KMT2C: variants seen among roughly 807,000 people sequenced by gnomAD.
KMT2C encodes the protein histone-lysine N-methyltransferase 2C.
Under a neutral mutation model 507.9 loss-of-function variants are expected in KMT2C, and 88 were observed. That is an observed-to-expected ratio of 0.17 (90% confidence interval 0.15 to 0.21). The LOEUF (loss-of-function observed/expected upper bound fraction) is 0.21. Ranked by LOEUF, KMT2C falls within the 10% of genes least tolerant of loss-of-function variation. The pLI is 1.00. For missense variants in KMT2C, 4,954 were observed against 5,957.8 expected, an observed-to-expected ratio of 0.83 and a Z score of 5.55; for synonymous variants, 2,049 against 2,080.8, an observed-to-expected ratio of 0.98 and a Z score of 0.42.
At chr7:152,227,129 CT>C (rs2094957406) in intron 18 of KMT2C, among the ~76,000 whole-genome samples, 2 of 152,310 alleles carry the variant, frequency 1.3e-5, no homozygotes, top group South Asian at 4.1e-4. Flanking sequence ...TTAAGCCAGG[CT>C]TGTCAAGACC....
intron 18 of KMT2C, among the ~76,000 whole-genome samples, chr7:152,229,087 T>C (rs1009678963): frequency 2.0e-5 from 3 of 152,216 alleles, no homozygotes; most frequent in African/African-American, 7.2e-5. Context: ...ACAGTGATGT[T>C]TGAAGGGCAG....
chr7:152,205,577 A>C (rs1408891415), intron 24 of KMT2C, among the ~76,000 whole-genome samples: 2 of 152,320 alleles, frequency 1.3e-5, no homozygotes, highest in Admixed American at 1.3e-4. Context: ...TGCACTGCAT[A>C]ATGATGTTGG....
In KMT2C at chr7:152,176,548, T is replaced by C. The variant is rs769465139; in HGVS notation, c.8905A>G (p.Met2969Val). Residue 2969 changes from methionine (M) to valine (V), a missense_variant, in exon 38 of 59, where the codon ATG (methionine) becomes GTG (valine). Transcript: ENST00000262189. ...GAGACTACTGTCACATTAGAATTCATGGCATTATCCAAAACACGGCCAGGC... is the reference window on the plus strand; with the variant it reads ...GAGACTACTGTCACATTAGAATTCACGGCATTATCCAAAACACGGCCAGGC... ...APPGRVLDNA[M>V]NSNVTVVSRV... 1.3e-5 allele frequency: 21 copies of C among 1,614,178 alleles called. No individual in the cohort carries two copies. Among genetic ancestry groups the C allele is most frequent in the Non-Finnish European group, 1.6e-5 (19 of 1,180,028 alleles).
chr7:152,397,547 CACAGTA>C (rs1174693503), intron 1 of KMT2C, among the ~76,000 whole-genome samples: 1 of 152,118 alleles, frequency 6.6e-6, no homozygotes, highest in South Asian at 2.1e-4. Context: ...CCCCTCATTG[CACAGTA>C]ACACCAATCG....
intron 1 of KMT2C, among the ~76,000 whole-genome samples, chr7:152,388,029 G>T (rs73730063): frequency 6.7e-6 from 1 of 149,380 alleles, no homozygotes; most frequent in Admixed American, 6.7e-5. Flanking sequence ...ATCCAACTCT[G>T]AAATTCCCAC....
chr7:152,365,897 G>C (rs1416451100), intron 1 of KMT2C, among the ~76,000 whole-genome samples: 2 of 151,936 alleles, frequency 1.3e-5, no homozygotes, highest in Non-Finnish European at 1.5e-5. Context: ...GAGGTGGGAC[G>C]AACACCTGAC....
intron 1 of KMT2C, among the ~76,000 whole-genome samples, chr7:152,376,072 T>C (rs2097326837): frequency 6.6e-6 from 1 of 152,222 alleles, no homozygotes. Context: ...CCCAAAGTGC[T>C]GGGATTCCAG....
At chr7:152,373,629 T>C (rs2097307154) in intron 1 of KMT2C, among the ~76,000 whole-genome samples, 1 of 152,216 alleles carries the variant, frequency 6.6e-6, no homozygotes, top group African/African-American at 2.4e-5. Flanking sequence ...AAAATATCAC[T>C]AATGTCTACT....
intron 1 of KMT2C, among the ~76,000 whole-genome samples, chr7:152,393,226 A>G (rs1045566670): frequency 6.6e-6 from 1 of 152,238 alleles, no homozygotes; most frequent in Non-Finnish European, 1.5e-5. Flanking sequence ...GAAAAACTAT[A>G]AATTATGCAT....
chr7:152,278,107 G>C (rs2096121764), intron 6 of KMT2C, among the ~76,000 whole-genome samples: 1 of 151,986 alleles, frequency 6.6e-6, no homozygotes, highest in Non-Finnish European at 1.5e-5. Flanking sequence ...TGGGTCATGG[G>C]GGCAAATCCC....
intron 31 of KMT2C, among the ~76,000 whole-genome samples, chr7:152,191,815 T>C (rs2093803001): frequency 6.6e-6 from 1 of 152,250 alleles, no homozygotes; most frequent in Non-Finnish European, 1.5e-5. Flanking sequence ...TAACTATGTG[T>C]CGCCCTATAT....
chr7:152,376,171 A>C (rs1465573140), intron 1 of KMT2C, among the ~76,000 whole-genome samples: 2 of 152,122 alleles, frequency 1.3e-5, no homozygotes, highest in African/African-American at 2.4e-5. Flanking sequence ...CTAACATATA[A>C]TGTGTGTTCT....
intron 6 of KMT2C, among the ~76,000 whole-genome samples, chr7:152,304,468 TTTG>T (rs1296808771): frequency 1.3e-5 from 2 of 152,216 alleles, no homozygotes; most frequent in Non-Finnish European, 2.9e-5. Context: ...AGTTTTTTGT[TTTG>T]TTTTTACAAC....
At chr7:152,371,664 A>T (rs2097294577) in intron 1 of KMT2C, among the ~76,000 whole-genome samples, 1 of 151,528 alleles carries the variant, frequency 6.6e-6, no homozygotes, top group African/African-American at 2.4e-5. Context: ...CCCAGGCTGG[A>T]GTGCAGTGGC....
chr7:152,313,031 A>G (rs977843660), intron 4 of KMT2C, among the ~76,000 whole-genome samples: 2 of 152,188 alleles, frequency 1.3e-5, no homozygotes, highest in Non-Finnish European at 2.9e-5. Flanking sequence ...TTTAAATATC[A>G]AACCATATAA....
intron 1 of KMT2C, among the ~76,000 whole-genome samples, chr7:152,433,681 T>C (rs948611588): frequency 1.3e-5 from 2 of 152,286 alleles, no homozygotes; most frequent in African/African-American, 2.4e-5. Flanking sequence ...AGTTAGATTA[T>C]ACTGTTATTC....
intron 13 of KMT2C, 80 bp downstream of exon 13, chr7:152,249,796 A>G (rs1408704554): frequency 3.8e-6 from 3 of 798,218 alleles, no homozygotes; most frequent in Non-Finnish European, 6.5e-6. Context: ...ATATACATAC[A>G]GCAATCGCAA....
chr7:152,384,049 T>C (rs938279636), intron 1 of KMT2C, among the ~76,000 whole-genome samples: 7 of 149,990 alleles, frequency 4.7e-5, no homozygotes, highest in Non-Finnish European at 8.8e-5. Context: ...TGTGTCTGTG[T>C]GTGTGTGCGT....
In KMT2C at chr7:152,154,367, T is replaced by C. The variant is rs2091889126; in HGVS notation, c.12039A>G (p.Val4013=). ...ACAGATCTGGATACCTGCTCACTTC[T>C]ACCCCAACCACACTCTCAGGAGAGG... ...PSSSPESVVG[V]EVSRYPDLSL... The change falls in exon 47 of 59, where the codon GTA becomes GTG. Residue 4013 remains valine (V), a synonymous_variant. Coordinates refer to ENST00000262189, the MANE Select transcript of KMT2C (RefSeq NM_170606.3). 2 of 1,614,154 alleles carry C rather than the reference T, an allele frequency of 1.2e-6. No individual in the cohort carries two copies. Among genetic ancestry groups the C allele is most frequent in the African/African-American group, 2.7e-5 (2 of 75,028 alleles).
Sources: allele counts gnomAD v4.1 joint callset (sites outside exome capture counted in the v4.1 genomes callset), GRCh38; gene constraint gnomAD v4.1.1; transcripts MANE v1.5; gene names NCBI Gene and HGNC (gene_info 2026-07-23, HGNC 2026-07-21).